The following TAFA1 variants were observed in gnomAD, a reference collection of about 807,000 sequenced individuals.
TAFA1 encodes TAFA chemokine like family member 1.
A neutral mutation model predicts 18.5 loss-of-function variants in TAFA1; 4 were observed. The ratio of observed to expected loss-of-function variants is 0.22; its 90% CI spans 0.11 to 0.49. The LOEUF (loss-of-function observed/expected upper bound fraction) is 0.49. Among genes scored for constraint, TAFA1 ranks in the 20% least tolerant of loss-of-function variants. The pLI, the probability that TAFA1 is intolerant of heterozygous loss-of-function variation, is 0.98. For synonymous variants in TAFA1, 56 were observed against 55.2 expected, an observed-to-expected ratio of 1.01 and a Z score of -0.06; for missense variants, 147 against 169.0, an observed-to-expected ratio of 0.87 and a Z score of 0.72.
chr3:68,427,103 G>GT (rs1268185420), intron 3 of TAFA1, among the ~76,000 whole-genome samples: 1 of 151,708 alleles, frequency 6.6e-6, no homozygotes, highest in African/African-American at 2.4e-5. Flanking sequence ...ATCCTTGTCA[G>GT]TTACCTAACT....
At chr3:68,214,414 T>A (rs1438093297) in intron 2 of TAFA1, among the ~76,000 whole-genome samples, 1 of 152,068 alleles carries the variant, frequency 6.6e-6, no homozygotes, top group Admixed American at 6.6e-5. Flanking sequence ...CCCATTCAAT[T>A]TCTTAGGTAC....
intron 2 of TAFA1, among the ~76,000 whole-genome samples, chr3:68,155,760 A>G (rs1456530876): frequency 6.6e-6 from 1 of 152,204 alleles, no homozygotes; most frequent in Non-Finnish European, 1.5e-5. Flanking sequence ...GAAAATACTG[A>G]TGGAAATCTT....
chr3:68,043,590 C>T (rs72920709), intron 2 of TAFA1, among the ~76,000 whole-genome samples: 1 of 152,182 alleles, frequency 6.6e-6, no homozygotes, highest in Admixed American at 6.5e-5. Flanking sequence ...TTCTTTTTCT[C>T]TGGCATCTAA....
intron 2 of TAFA1, among the ~76,000 whole-genome samples, chr3:68,043,170 C>T (rs953764498): frequency 3.3e-5 from 5 of 152,072 alleles, no homozygotes; most frequent in Non-Finnish European, 7.4e-5. Context: ...CCGTGCCCAG[C>T]CTATATTATG....
intron 3 of TAFA1, among the ~76,000 whole-genome samples, chr3:68,451,204 T>A (rs556891710): frequency 2.1e-4 from 32 of 152,268 alleles, no homozygotes; most frequent in African/African-American, 7.0e-4. Context: ...TCTGACCACC[T>A]CACTCATGCA....
intron 3 of TAFA1, among the ~76,000 whole-genome samples, chr3:68,433,612 G>T (rs2071219341): frequency 1.3e-5 from 2 of 152,072 alleles, no homozygotes; most frequent in Admixed American, 1.3e-4. Flanking sequence ...TGGTACAGAT[G>T]CTCAAATAAT....
At chr3:68,440,279 G>A (rs572512892) in intron 3 of TAFA1, among the ~76,000 whole-genome samples, 1 of 152,220 alleles carries the variant, frequency 6.6e-6, no homozygotes, top group Admixed American at 6.5e-5. Flanking sequence ...TGATTGTGAG[G>A]CCTCCCCAGC....
At chr3:68,392,007 C>A (rs374078870) in intron 2 of TAFA1, among the ~76,000 whole-genome samples, 1 of 152,028 alleles carries the variant, frequency 6.6e-6, no homozygotes, top group Non-Finnish European at 1.5e-5. Flanking sequence ...TCACACATAA[C>A]AATACTAACC....
chr3:68,503,907 A>G (rs572234225), intron 3 of TAFA1, among the ~76,000 whole-genome samples: 3 of 152,272 alleles, frequency 2.0e-5, no homozygotes, highest in East Asian at 3.9e-4. Context: ...AATTATAATG[A>G]CAATTACCTT....
intron 2 of TAFA1, among the ~76,000 whole-genome samples, chr3:68,096,266 T>C (rs1192603911): frequency 6.6e-6 from 1 of 152,104 alleles, no homozygotes; most frequent in Non-Finnish European, 1.5e-5. Flanking sequence ...GATTTCATTC[T>C]TTTTTATGGT....
chr3:68,047,676 G>A (rs1234855518), intron 2 of TAFA1, among the ~76,000 whole-genome samples: 4 of 152,024 alleles, frequency 2.6e-5, no homozygotes, highest in Non-Finnish European at 5.9e-5. Context: ...GGATATATTG[G>A]CAATATTTAC....
rs142151411 is a variant in TAFA1 at position 68,497,822 on chromosome 3, C to T, written c.260-40934C>T. Among the ~76,000 whole-genome samples the T allele has an allele frequency of 2.5e-3, 388 of 152,264 alleles. 3 individuals carry two copies. The highest frequency in any genetic ancestry group is 8.3e-3 in the African/African-American group (345 of 41,554). ...TTGTTTCTTAGTACAGCTTTGACTGCTGTGCATAGAAATAGCTGTAGCCCA... is the reference window on the plus strand; with the variant it reads ...TTGTTTCTTAGTACAGCTTTGACTGTTGTGCATAGAAATAGCTGTAGCCCA... On this transcript the variant is annotated intron_variant, in intron 3 of 4. Coordinates refer to ENST00000478136, the MANE Select transcript of TAFA1 (RefSeq NM_213609.4).
At chr3:68,264,563 A>T (rs545819395) in intron 2 of TAFA1, among the ~76,000 whole-genome samples, 1 of 152,298 alleles carries the variant, frequency 6.6e-6, no homozygotes, top group South Asian at 2.1e-4. Flanking sequence ...AACACAATAC[A>T]TTCTGAGAAA....
At chr3:68,188,244 C>T (rs543438887) in intron 2 of TAFA1, among the ~76,000 whole-genome samples, 142 of 151,806 alleles carry the variant, frequency 9.4e-4, no homozygotes, top group Non-Finnish European at 1.6e-3. Context: ...TTCCATACTG[C>T]GTAACTTTTT....
intron 2 of TAFA1, among the ~76,000 whole-genome samples, chr3:68,345,828 G>C (rs9818501): frequency 0.034 from 5,172 of 152,244 alleles, 301 homozygotes; most frequent in African/African-American, 0.12. Flanking sequence ...GATGGGGATA[G>C]GAAAGGGTGG....
intron 2 of TAFA1, among the ~76,000 whole-genome samples, chr3:68,092,890 C>T (rs1043002384): frequency 6.6e-6 from 1 of 152,084 alleles, no homozygotes; most frequent in Non-Finnish European, 1.5e-5. Flanking sequence ...ACTACAACTC[C>T]GTTAGCTTTA....
intron 3 of TAFA1, among the ~76,000 whole-genome samples, chr3:68,515,844 T>G (rs1355526): frequency 0.25 from 37,974 of 152,132 alleles, 4,933 homozygotes; most frequent in Admixed American, 0.32. Context: ...TTATCCCCTT[T>G]TTTTCCTTAT....
intron 2 of TAFA1, among the ~76,000 whole-genome samples, chr3:68,122,756 G>A (rs1420497698): frequency 6.6e-6 from 1 of 151,876 alleles, no homozygotes; most frequent in Non-Finnish European, 1.5e-5. Context: ...GATTTCAGTT[G>A]CTTTTACCAT....
intron 2 of TAFA1, among the ~76,000 whole-genome samples, chr3:68,042,341 T>C (rs1485390418): frequency 3.3e-5 from 5 of 152,350 alleles, no homozygotes; most frequent in Admixed American, 6.5e-5. Context: ...TCAATTTTGA[T>C]CAATGAAAAC....
Sources: gnomAD v4.1 joint callset for allele counts (sites outside exome capture counted in the v4.1 genomes callset) on GRCh38, gnomAD v4.1.1 for gene constraint, MANE v1.5 for transcripts, NCBI Gene and HGNC (gene_info 2026-07-23, HGNC 2026-07-21) for gene names.